TRAPPC10: variants seen among roughly 807,000 people sequenced by gnomAD.
TRAPPC10 encodes trafficking protein particle complex subunit 10.
TRAPPC10 carries 23 observed loss-of-function variants against 125.5 expected under a neutral mutation model. The ratio of observed to expected loss-of-function variants is 0.18; its 90% CI spans 0.13 to 0.26. TRAPPC10 has a LOEUF of 0.26. Ranked by LOEUF, TRAPPC10 falls within the 10% of genes least tolerant of loss-of-function variation. The pLI, the probability that TRAPPC10 is intolerant of heterozygous loss-of-function variation, is 1.00. For missense variants in TRAPPC10, 1,123 were observed against 1,308.4 expected (o/e 0.86, Z 2.19); for synonymous variants, 509 against 518.0 (o/e 0.98, Z 0.24).
intron 2 of TRAPPC10, 111 bp from the exon 3 acceptor site, chr21:44,037,681 A>C: frequency 8.1e-7 from 1 of 1,230,980 alleles, no homozygotes; most frequent in Non-Finnish European, 1.1e-6. Flanking sequence ...TGGGGTTAAT[A>C]TATGTGCTCT....
At chr21:44,071,716 A>G (rs1335761795) in intron 7 of TRAPPC10, among the ~76,000 whole-genome samples, 1 of 152,256 alleles carries the variant, frequency 6.6e-6, no homozygotes, top group African/African-American at 2.4e-5. Context: ...AAATTTTAAA[A>G]TGATCTGTGA....
rs771438227 is a variant in TRAPPC10 at position 44,055,896 on chromosome 21, A to ACT, written c.678+4_678+5dup. ...TTTGTGAATATTTCATGGTTCAGGT[A>ACT]CTTGACTCATTACAGAACTAGACAG... On this transcript the variant is annotated splice_donor_region_variant and intron_variant, in intron 5 of 22. Coordinates refer to ENST00000291574, the MANE Select transcript of TRAPPC10 (RefSeq NM_003274.5). The ACT allele has an allele frequency of 6.3e-7, 1 of 1,595,464 alleles. No individual in the cohort carries two copies. The highest frequency in any genetic ancestry group is 1.1e-5 in the South Asian group (1 of 89,986).
At chr21:44,019,498 T>A (rs985437383) in intron 1 of TRAPPC10, among the ~76,000 whole-genome samples, 1 of 152,240 alleles carries the variant, frequency 6.6e-6, no homozygotes, top group African/African-American at 2.4e-5. Flanking sequence ...ATGTCAAATA[T>A]AGTCACAGTA....
chr21:44,080,864 C>CTT (rs925810305), intron 13 of TRAPPC10, among the ~76,000 whole-genome samples: 8 of 134,096 alleles, frequency 6.0e-5, no homozygotes, highest in African/African-American at 2.1e-4. Context: ...TAAGATGGTG[C>CTT]TTTTTTTTTT....
chr21:44,083,394 TAG>T, intron 14 of TRAPPC10, 92 bp downstream of exon 14: 1 of 1,405,484 alleles, frequency 7.1e-7, no homozygotes, highest in Non-Finnish European at 9.6e-7. Context: ...GTGAATTGAG[TAG>T]AGTCCTTTGT....
chr21:44,082,917 T>G lies in TRAPPC10; in HGVS notation c.1853T>G (p.Val618Gly). ...VEITMYSQMP[V>G]PVHVEQIVVN... The stretch of plus-strand genomic sequence containing the variant: ...ATAACCATGTACAGCCAGATGCCTG[T>G]GCCTGTTCACGTGGAGCAGATTGTG... Residue 618 changes from valine (V) to glycine (G), a missense_variant, in exon 14 of 23, where the codon GTG (valine) becomes GGG (glycine). This residue lies in a region of TRAPPC10 where 840 missense variants were observed against 902.0 expected (regional missense o/e 0.93). Transcript: ENST00000291574. This position sits in a 1 kb window ranked among gnomAD's most constrained non-coding sequence, Gnocchi z 4.4. 6.2e-7 allele frequency: 1 copy of G among 1,614,162 alleles called. No individual in the cohort carries two copies. Among genetic ancestry groups the G allele is most frequent in the Non-Finnish European group, 8.5e-7 (1 of 1,180,026 alleles).
At chr21:44,034,171 A>C (rs1462223701) in intron 2 of TRAPPC10, among the ~76,000 whole-genome samples, 1 of 152,120 alleles carries the variant, frequency 6.6e-6, no homozygotes, top group Non-Finnish European at 1.5e-5. Flanking sequence ...CCATAAGAGG[A>C]GGGGAATTTC....
intron 15 of TRAPPC10, among the ~76,000 whole-genome samples, chr21:44,086,476 A>T (rs62227190): frequency 6.6e-6 from 1 of 152,208 alleles, no homozygotes; most frequent in Non-Finnish European, 1.5e-5. Flanking sequence ...ATTCTCTTCT[A>T]CTACTAATGG....
At chr21:44,077,166 G>A (rs889146246) in intron 10 of TRAPPC10, among the ~76,000 whole-genome samples, 3 of 152,122 alleles carry the variant, frequency 2.0e-5, no homozygotes, top group African/African-American at 7.2e-5. Context: ...AGATGTTTTG[G>A]ATGAGTTTGT....
chr21:44,061,222 C>G (rs558190360), intron 6 of TRAPPC10, among the ~76,000 whole-genome samples: 2 of 152,114 alleles, frequency 1.3e-5, no homozygotes, highest in Admixed American at 1.3e-4. Flanking sequence ...CTGCAACCTC[C>G]GCCTCCCGGG....
At chr21:44,089,514 C>T (rs758771991) in intron 17 of TRAPPC10, 8 of 488,790 alleles carry the variant, frequency 1.6e-5, no homozygotes, top group Non-Finnish European at 3.2e-5. Context: ...GCTCCGCGGC[C>T]CTGCGTGTAT....
chr21:44,041,482 T>G (rs1569158994), intron 3 of TRAPPC10, among the ~76,000 whole-genome samples: 1 of 152,044 alleles, frequency 6.6e-6, no homozygotes, highest in Non-Finnish European at 1.5e-5. Flanking sequence ...GTTCAAGTGG[T>G]TCTCCTGCCT....
chr21:44,027,595 C>T (rs964518581), intron 1 of TRAPPC10, among the ~76,000 whole-genome samples: 2 of 152,090 alleles, frequency 1.3e-5, no homozygotes, highest in Admixed American at 6.5e-5. Context: ...TGATGTTGGG[C>T]CAATTAGGGG....
intron 18 of TRAPPC10, among the ~76,000 whole-genome samples, chr21:44,091,177 G>T (rs963362690): frequency 6.6e-6 from 1 of 152,162 alleles, no homozygotes; most frequent in African/African-American, 2.4e-5. Context: ...GGCGACAAGA[G>T]CAAGACTCTG....
intron 5 of TRAPPC10, among the ~76,000 whole-genome samples, chr21:44,057,635 A>G (rs1278733966): frequency 6.6e-6 from 1 of 152,216 alleles, no homozygotes; most frequent in Non-Finnish European, 1.5e-5. Flanking sequence ...TATTACATAC[A>G]TTTCAATCAA....
chr21:44,076,581 C>G lies in TRAPPC10; in HGVS notation c.1330C>G (p.Leu444Val), dbSNP rs1266210549. Residue 444 changes from leucine to valine, a missense_variant, in exon 10 of 23, where the codon CTG becomes GTG. Around this residue, in one of 4 missense-constraint regions of TRAPPC10, gnomAD observed 840 missense variants for 902.0 expected, o/e 0.93. Transcript: ENST00000291574. ...ANTAQSPYKK[L>V]KEALSSVEAF... Reference sequence around the variant, plus strand: ...CACAGCTCAGAGTCCTTATAAGAAACTGAAAGAAGCATTATCGTCAGTGGA... The same window carrying G: ...CACAGCTCAGAGTCCTTATAAGAAAGTGAAAGAAGCATTATCGTCAGTGGA... The G allele has an allele frequency of 6.2e-7, 1 of 1,614,096 alleles. No homozygotes were observed. Among genetic ancestry groups the G allele is most frequent in the Admixed American group, 1.7e-5 (1 of 60,028 alleles).
At chr21:44,081,936 G>A (rs764182291) in intron 13 of TRAPPC10, among the ~76,000 whole-genome samples, 2 of 152,132 alleles carry the variant, frequency 1.3e-5, no homozygotes, top group African/African-American at 4.8e-5. Flanking sequence ...GCATCATGAC[G>A]TTAGTCTGTG....
In TRAPPC10 at chr21:44,084,339, T is replaced by C. The variant is rs1001595873; in HGVS notation, c.2380+76T>C. 126 of 1,444,300 alleles carry C rather than the reference T, an allele frequency of 8.7e-5. 1 individual carries two copies. Among genetic ancestry groups the C allele is most frequent in the Admixed American group, 2.5e-5 (1 of 40,418 alleles). The allele number at this position is 1,444,300 out of a possible 1,614,324, so 89.5% of individuals were successfully genotyped here. Reference sequence around the variant, plus strand: ...AGGAGACCTGCTGAGATGCCAGGCTTCTCATAAGTTTTAGCTGTGTCTGCC... The same window carrying C: ...AGGAGACCTGCTGAGATGCCAGGCTCCTCATAAGTTTTAGCTGTGTCTGCC... On this transcript the variant is annotated intron_variant, in intron 15 of 22. Transcript: ENST00000291574.
At chr21:44,090,392 A>G (rs1369776745) in intron 18 of TRAPPC10, among the ~76,000 whole-genome samples, 2 of 152,240 alleles carry the variant, frequency 1.3e-5, no homozygotes. Flanking sequence ...ATTTTGGGCT[A>G]GATAACTCTG....
Sources: gnomAD v4.1 joint callset for allele counts (sites outside exome capture counted in the v4.1 genomes callset) on GRCh38, gnomAD v4.1.1 for gene constraint, gnomAD v4.1.1 regional missense constraint, Gnocchi (gnomAD v3.1) non-coding constraint, MANE v1.5 for transcripts, NCBI Gene and HGNC (gene_info 2026-07-23, HGNC 2026-07-21) for gene names.